Variants in CCDC178 observed in about 807,000 individuals in gnomAD.
CCDC178 encodes coiled-coil domain-containing protein 178.
Under a neutral mutation model 117.4 loss-of-function variants are expected in CCDC178, and 126 were observed. The observed-to-expected ratio is 1.07, with a 90% CI of 0.93 to 1.24. CCDC178 has a LOEUF of 1.24. Ranked by LOEUF, CCDC178 falls within the 50% of genes most tolerant of loss-of-function variation. The pLI is 0.00. For synonymous variants in CCDC178, 283 were observed against 313.4 expected, an observed-to-expected ratio of 0.90 and a Z score of 1.02; for missense variants, 1,030 against 986.9, an observed-to-expected ratio of 1.04 and a Z score of -0.59.
chr18:33,304,415 G>A (rs1257418275), intron 11 of CCDC178, among the ~76,000 whole-genome samples: 1 of 152,190 alleles, frequency 6.6e-6, no homozygotes, highest in Non-Finnish European at 1.5e-5. Flanking sequence ...ATTCATCAGA[G>A]CAAGTAAACA....
chr18:33,011,746 G>T (rs75432515), intron 21 of CCDC178, among the ~76,000 whole-genome samples: 2 of 113,428 alleles, frequency 1.8e-5, no homozygotes, highest in East Asian at 5.5e-4. Context: ...AACTTAACGT[G>T]GCAAATGATT....
At chr18:33,376,301 G>C (rs947640458) in intron 5 of CCDC178, among the ~76,000 whole-genome samples, 1 of 152,154 alleles carries the variant, frequency 6.6e-6, no homozygotes, top group Admixed American at 6.5e-5. Context: ...GTGAGCAGGA[G>C]GGGAGAGCCC....
intron 9 of CCDC178, among the ~76,000 whole-genome samples, chr18:33,339,247 G>GA (rs1238948993): frequency 2.6e-5 from 4 of 151,772 alleles, no homozygotes; most frequent in African/African-American, 7.3e-5. Flanking sequence ...GAAATCAGAG[G>GA]AAAAAATTCA....
chr18:33,003,859 A>G (rs1406511377), intron 21 of CCDC178, among the ~76,000 whole-genome samples: 1 of 152,158 alleles, frequency 6.6e-6, no homozygotes, highest in Admixed American at 6.5e-5. Flanking sequence ...ACATACAAAA[A>G]TCTACAGCAT....
At chr18:33,355,309 T>C (rs1269590684) in intron 7 of CCDC178, among the ~76,000 whole-genome samples, 1 of 152,264 alleles carries the variant, frequency 6.6e-6, no homozygotes, top group African/African-American at 2.4e-5. Context: ...TTATTTGTCA[T>C]GTGTAATCAC....
chr18:33,285,573 A>G (rs1039926046), intron 12 of CCDC178, among the ~76,000 whole-genome samples: 8 of 152,202 alleles, frequency 5.3e-5, no homozygotes, highest in Non-Finnish European at 8.8e-5. Flanking sequence ...CAAAATCTTA[A>G]ATAAAATCCT....
At chr18:33,063,250 C>G (rs2056957585) in intron 21 of CCDC178, among the ~76,000 whole-genome samples, 2 of 152,176 alleles carry the variant, frequency 1.3e-5, no homozygotes, top group South Asian at 2.1e-4. Flanking sequence ...GAGTATGTGC[C>G]CTCTCTGCCT....
chr18:33,437,388 G>C (rs979320269), intron 2 of CCDC178, among the ~76,000 whole-genome samples: 3 of 152,096 alleles, frequency 2.0e-5, no homozygotes, highest in Non-Finnish European at 4.4e-5. Flanking sequence ...TTTACTGTCT[G>C]TTCAACCATA....
intron 14 of CCDC178, among the ~76,000 whole-genome samples, chr18:33,262,665 C>T (rs768860977): frequency 3.8e-4 from 58 of 152,070 alleles, no homozygotes; most frequent in Non-Finnish European, 7.1e-4. Context: ...CAGACACAAG[C>T]ACACAGGTCA....
chr18:33,433,615 A>G (rs1353269787), intron 2 of CCDC178, among the ~76,000 whole-genome samples: 1 of 152,182 alleles, frequency 6.6e-6, no homozygotes, highest in Admixed American at 6.5e-5. Flanking sequence ...GAAAATAAAG[A>G]AGAATAGAGT....
chr18:33,423,302 C>A (rs150638627), intron 2 of CCDC178, among the ~76,000 whole-genome samples: 3 of 152,238 alleles, frequency 2.0e-5, no homozygotes, highest in African/African-American at 4.8e-5. Context: ...ACATGTATGT[C>A]CTCCAAACAA....
At chr18:33,318,678 C>A (rs937538558) in intron 11 of CCDC178, among the ~76,000 whole-genome samples, 1 of 152,030 alleles carries the variant, frequency 6.6e-6, no homozygotes, top group African/African-American at 2.4e-5. Flanking sequence ...AGACGACTAA[C>A]AAATCCCACT....
chr18:33,391,302 A>T (rs1370696969), intron 4 of CCDC178, among the ~76,000 whole-genome samples: 1 of 151,982 alleles, frequency 6.6e-6, no homozygotes, highest in Non-Finnish European at 1.5e-5. Context: ...ATAAAACAGC[A>T]TATTGTATTA....
intron 20 of CCDC178, among the ~76,000 whole-genome samples, chr18:33,135,077 G>T (rs1305054221): frequency 6.6e-6 from 1 of 151,962 alleles, no homozygotes; most frequent in Non-Finnish European, 1.5e-5. Flanking sequence ...AGATTTATCA[G>T]TTGCCCTAAA....
chr18:33,299,275 T>C (rs867242438), intron 11 of CCDC178, among the ~76,000 whole-genome samples: 5 of 152,002 alleles, frequency 3.3e-5, no homozygotes, highest in South Asian at 2.1e-4. Flanking sequence ...CTAAACAACA[T>C]AGAAAACCCA....
chr18:33,328,892 C>G (rs1193862251), intron 10 of CCDC178, among the ~76,000 whole-genome samples: 1 of 152,070 alleles, frequency 6.6e-6, no homozygotes, highest in African/African-American at 2.4e-5. Context: ...TTTTTAGGTG[C>G]TATTGACACT....
rs140871127 is a variant in CCDC178 at position 33,040,094 on chromosome 18, T to A, written c.2388+52667A>T. Among the ~76,000 whole-genome samples, 271 of 151,984 alleles carry A rather than the reference T, an allele frequency of 1.8e-3. 1 individual carries two copies. Among genetic ancestry groups the A allele is most frequent in the African/African-American group, 6.3e-3 (262 of 41,514 alleles). ...AGAGAAAAATTGGAAACGTTTCCATTTGACTACAATTTGATGAGTTAGTGT... is the reference window on the plus strand; with the variant it reads ...AGAGAAAAATTGGAAACGTTTCCATATGACTACAATTTGATGAGTTAGTGT... On this transcript the variant is annotated intron_variant, in intron 21 of 22. Transcript: ENST00000383096.
chr18:33,014,412 CTGAAAAACTTAAAA>C (rs1178205321), intron 21 of CCDC178, among the ~76,000 whole-genome samples: 1 of 152,220 alleles, frequency 6.6e-6, no homozygotes, highest in Non-Finnish European at 1.5e-5. Context: ...AAGAGGCTAA[CTGAAAAACTTAAAA>C]GGAAAAACTG....
intron 21 of CCDC178, among the ~76,000 whole-genome samples, chr18:33,024,236 C>T (rs969146857): frequency 1.3e-5 from 2 of 152,192 alleles, no homozygotes; most frequent in Non-Finnish European, 2.9e-5. Context: ...AACAAAACAT[C>T]ACAGACTGGG....
Sources: allele counts gnomAD v4.1 joint callset (sites outside exome capture counted in the v4.1 genomes callset), GRCh38; gene constraint gnomAD v4.1.1; transcripts MANE v1.5; gene names NCBI Gene and HGNC (gene_info 2026-07-23, HGNC 2026-07-21).